The following C5 variants were observed in gnomAD, a reference collection of about 807,000 sequenced individuals.
The protein encoded by C5 is C3 and PZP-like alpha-2-macroglobulin domain-containing protein 4.
In C5, 140 loss-of-function variants were observed where a neutral mutation model predicts 218.8. The ratio of observed to expected loss-of-function variants is 0.64; its 90% CI spans 0.56 to 0.74. C5 has a LOEUF of 0.74. C5 is among the 30% of genes least tolerant of loss of function. The probability of loss-of-function intolerance (pLI) is 0.00; values close to 1 mark genes in which losing one functional copy is unlikely to be tolerated. For synonymous variants in C5, 614 were observed against 682.3 expected, an observed-to-expected ratio of 0.90 and a Z score of 1.56; for missense variants, 1,700 against 1,969.6, an observed-to-expected ratio of 0.86 and a Z score of 2.59.
the C5 span, among the ~76,000 whole-genome samples, chr9:121,070,000 T>C: frequency 1.3e-5 from 2 of 152,144 alleles, no homozygotes; most frequent in Admixed American, 1.3e-4. Context: ...CCCATGTTTA[T>C]TGCAGCACTA....
At position 121,021,617 on chromosome 9, in the gene C5, G is replaced by A; in HGVS notation, c.1194C>T (p.Asn398=). ...VTLNAQTIDV[N]QETSDLDPSK... The stretch of plus-strand genomic sequence containing the variant: ...TTGGATCCAAGTCAGATGTCTCTTG[G>A]TTTACATCAATTGTTTGTGCATTCA... The change falls in exon 11 of 41, where the codon AAC becomes AAT. Residue 398 remains asparagine, a synonymous_variant. Transcript: ENST00000223642. 6.2e-7 allele frequency: 1 copy of A among 1,613,608 alleles called. No individual in the cohort carries two copies. The highest frequency in any genetic ancestry group is 8.5e-7 in the Non-Finnish European group (1 of 1,179,636).
At chr9:121,002,343 C>G (rs12347115) in intron 20 of C5, among the ~76,000 whole-genome samples, 1 of 82,874 alleles carries the variant, frequency 1.2e-5, no homozygotes, top group Non-Finnish European at 2.3e-5. Context: ...TATATATATA[C>G]ACACATACCT....
At chr9:120,962,556 A>C in intron 36 of C5, 115 bp downstream of exon 36, 2 of 817,058 alleles carry the variant, frequency 2.4e-6, no homozygotes, top group Non-Finnish European at 4.3e-6. Context: ...TTTCATGAAG[A>C]GTGGTCCCTA....
intron 22 of C5, among the ~76,000 whole-genome samples, chr9:120,991,887 C>T (rs2047079369): frequency 6.6e-6 from 1 of 152,196 alleles, no homozygotes; most frequent in African/African-American, 2.4e-5. Context: ...ATTGGATTCT[C>T]ACAACAGTCC....
intron 4 of C5, among the ~76,000 whole-genome samples, chr9:121,037,425 C>T (rs143108754): frequency 0.03 from 3,350 of 111,942 alleles, 56 homozygotes; most frequent in South Asian, 0.072. Flanking sequence ...GCAATTCCCC[C>T]ACCTCAGCCT....
chr9:121,005,037 A>G (rs1233352141), intron 20 of C5, among the ~76,000 whole-genome samples: 2 of 152,130 alleles, frequency 1.3e-5, no homozygotes, highest in Non-Finnish European at 2.9e-5. Context: ...GAGGGTATGT[A>G]AGCAAAATTT....
At chr9:121,045,972 A>T (rs1259665346) in intron 2 of C5, among the ~76,000 whole-genome samples, 2 of 152,148 alleles carry the variant, frequency 1.3e-5, no homozygotes, top group Non-Finnish European at 2.9e-5. Flanking sequence ...GTGAAAATGG[A>T]CATGCATTGC....
chr9:120,967,066 C>T (rs544792463), intron 33 of C5, among the ~76,000 whole-genome samples: 23 of 152,006 alleles, frequency 1.5e-4, no homozygotes, highest in African/African-American at 4.8e-4. Flanking sequence ...TCAAGACCAG[C>T]CTGGCCAACA....
At chr9:121,024,975 A>G (rs1029425831) in intron 9 of C5, among the ~76,000 whole-genome samples, 5 of 152,378 alleles carry the variant, frequency 3.3e-5, no homozygotes, top group African/African-American at 1.2e-4. Context: ...CATTAAAATA[A>G]TGTTGAAAAC....
chr9:120,975,898 G>A (rs1245821935), intron 29 of C5, among the ~76,000 whole-genome samples: 1 of 152,032 alleles, frequency 6.6e-6, no homozygotes, highest in Non-Finnish European at 1.5e-5. Flanking sequence ...TATCTTTCTG[G>A]ACCTCATCTT....
rs1313726246 is a variant in C5, at chr9:121,021,679, A to G, written c.1132T>C (p.Ser378Pro). The G allele has an allele frequency of 1.9e-6, 3 of 1,613,584 alleles. No individual in the cohort carries two copies. Among genetic ancestry groups the G allele is most frequent in the Non-Finnish European group, 1.7e-6 (2 of 1,179,608 alleles). ...ACTCCTCCTACCAACTGGTCAAGCG[A>G]ATCTTTAACCTGCACCTGTTTGTCA... is the stretch of plus-strand genomic sequence containing the variant. ...PYPIKVQVKD[S>P]LDQLVGGVPV... Residue 378 changes from serine to proline, a missense_variant, in exon 11 of 41, where the codon TCG becomes CCG. By Grantham distance (74) the Ser-to-Pro change is moderately conservative. Transcript: ENST00000223642.
intron 17 of C5, among the ~76,000 whole-genome samples, chr9:121,011,637 A>G (rs767435678): frequency 6.6e-6 from 1 of 152,236 alleles, no homozygotes; most frequent in Non-Finnish European, 1.5e-5. Flanking sequence ...TATACCCAAA[A>G]GAAAGAAAAT....
In C5 at chr9:120,997,651, C is replaced by A. The variant is rs370940275; in HGVS notation, c.2686G>T (p.Val896Leu). 218 of 1,614,034 alleles carry A rather than the reference C, an allele frequency of 1.4e-4. No individual in the cohort carries two copies. Among genetic ancestry groups the A allele is most frequent in the Non-Finnish European group, 1.7e-4 (204 of 1,180,020 alleles). Residue 896 changes from valine to leucine, a missense_variant, in exon 21 of 41, where the codon GTG (valine) becomes TTG (leucine). Physicochemically the swap from Val to Leu is conservative, Grantham distance 32. Coordinates refer to ENST00000223642, the MANE Select transcript of C5 (RefSeq NM_001735.3). ...TCCAGAGGAAGCACAGTGAATGTCA[C>A]CAAGTGACTGGAGGAGCCCTCTACT... ...QKVEGSSSHL[V>L]TFTVLPLEIG...
chr9:120,968,858 A>G (rs557893044), intron 33 of C5, among the ~76,000 whole-genome samples: 1 of 152,234 alleles, frequency 6.6e-6, no homozygotes, highest in Non-Finnish European at 1.5e-5. Flanking sequence ...GACAAAACAG[A>G]CAGAGAAAAC....
chr9:121,048,785 T>G (rs2047649703), intron 1 of C5, among the ~76,000 whole-genome samples: 1 of 152,118 alleles, frequency 6.6e-6, no homozygotes. Flanking sequence ...GAGGCAAGAA[T>G]GTTATTTTGG....
intron 1 of C5, among the ~76,000 whole-genome samples, chr9:121,049,691 C>A (rs530293925): frequency 6.6e-6 from 1 of 152,050 alleles, no homozygotes; most frequent in South Asian, 2.1e-4. Flanking sequence ...ATTTTTAAAA[C>A]ATTACTTAAA....
At chr9:121,036,237 A>G (rs2047523352) in intron 4 of C5, among the ~76,000 whole-genome samples, 1 of 152,182 alleles carries the variant, frequency 6.6e-6, no homozygotes, top group South Asian at 2.1e-4. Flanking sequence ...GCTCTTCTTC[A>G]TCGCACTATC....
the C5 span, among the ~76,000 whole-genome samples, chr9:121,065,844 A>G: frequency 6.6e-6 from 1 of 152,184 alleles, no homozygotes; most frequent in African/African-American, 2.4e-5. Flanking sequence ...GTAAAGAAGA[A>G]GGATATACCC....
chr9:121,061,892 G>A, the C5 span, among the ~76,000 whole-genome samples: 3,806 of 152,186 alleles, frequency 0.025, 155 homozygotes, highest in African/African-American at 0.087. Flanking sequence ...CTCCACCTTT[G>A]CTTTCTGAGG....
Sources: allele counts gnomAD v4.1 joint callset (sites outside exome capture counted in the v4.1 genomes callset), GRCh38; gene constraint gnomAD v4.1.1; transcripts MANE v1.5; gene names NCBI Gene and HGNC (gene_info 2026-07-23, HGNC 2026-07-21).